Variants in CLCA1 observed in about 807,000 individuals in gnomAD.
The protein encoded by CLCA1 is calcium-activated chloride channel regulator 1.
CLCA1 carries 59 observed loss-of-function variants against 85.6 expected under a neutral mutation model. The observed-to-expected ratio is 0.69, with a 90% CI of 0.56 to 0.86. The LOEUF is 0.86. Among genes scored for constraint, CLCA1 ranks in the 40% least tolerant of loss-of-function variants. The probability of loss-of-function intolerance (pLI) is 0.00; values close to 1 mark genes in which losing one functional copy is unlikely to be tolerated. For missense variants in CLCA1, 1,022 were observed against 1,101.4 expected, an observed-to-expected ratio of 0.93 and a Z score of 1.02; for synonymous variants, 396 against 398.3, an observed-to-expected ratio of 0.99 and a Z score of 0.07.
intron 4 of CLCA1, among the ~76,000 whole-genome samples, chr1:86,477,989 G>A (rs1415764466): frequency 6.6e-6 from 1 of 152,144 alleles, no homozygotes; most frequent in Non-Finnish European, 1.5e-5. Context: ...TTCAAAAGGG[G>A]CTCAGAACAC....
At chr1:86,497,378 A>G (rs1224238487) in intron 12 of CLCA1, among the ~76,000 whole-genome samples, 1 of 152,230 alleles carries the variant, frequency 6.6e-6, no homozygotes, top group Admixed American at 6.5e-5. Context: ...TTAACAGATA[A>G]AAATTCTATA....
At chr1:86,476,163 C>T (rs1448441800) in intron 3 of CLCA1, among the ~76,000 whole-genome samples, 1 of 152,162 alleles carries the variant, frequency 6.6e-6, no homozygotes, top group Non-Finnish European at 1.5e-5. Flanking sequence ...CTTCTAATCA[C>T]ACATGCCCTC....
chr1:86,477,209 AC>A (rs1446142043), intron 4 of CLCA1, among the ~76,000 whole-genome samples: 2 of 152,134 alleles, frequency 1.3e-5, no homozygotes, highest in Non-Finnish European at 2.9e-5. Flanking sequence ...TCCCACTTCG[AC>A]CTGCCAAAGT....
In CLCA1 at chr1:86,498,565, A is replaced by G; in HGVS notation, c.2114-7A>G. The G allele has an allele frequency of 6.2e-7, 1 of 1,608,752 alleles. No homozygotes were observed. The highest frequency in any genetic ancestry group is 1.3e-5 in the African/African-American group (1 of 74,780). The stretch of plus-strand genomic sequence containing the variant: ...CTTACCATATTTTGAGTATTTTTTT[A>G]ATGCAGATGAAATACAATGGAATCC... On this transcript the variant is annotated splice_region_variant and splice_polypyrimidine_tract_variant and intron_variant, in intron 12 of 13. Coordinates refer to ENST00000394711, the MANE Select transcript of CLCA1 (RefSeq NM_001285.4).
chr1:86,482,575 C>A (rs1229859626), intron 5 of CLCA1, among the ~76,000 whole-genome samples, 193 bp downstream of exon 5: 1 of 152,186 alleles, frequency 6.6e-6, no homozygotes, highest in African/African-American at 2.4e-5. Context: ...CGTGTCCACG[C>A]TTTCTTCTCC....
chr1:86,486,537 C>T lies in CLCA1; in HGVS notation c.966C>T (p.Arg322=), dbSNP rs749005563. ...GCTTCTCCATTTAGACTGGTAACCG[C>T]CTCAATCGACTGAATCAAGCAGGCC... is the stretch of plus-strand genomic sequence containing the variant. The part of the protein sequence containing the change: ...DKSGSMATGN[R]LNRLNQAGQL... Residue 322 remains arginine, a synonymous_variant, in exon 7 of 14, where the codon CGC becomes CGT. Transcript: ENST00000394711. 1 of 1,614,074 alleles carries T rather than the reference C, an allele frequency of 6.2e-7. No individual in the cohort carries two copies. Among genetic ancestry groups the T allele is most frequent in the Non-Finnish European group, 8.5e-7 (1 of 1,180,000 alleles).
intron 13 of CLCA1, 102 bp downstream of exon 13, chr1:86,498,913 G>A (rs1570293934): frequency 1.5e-6 from 2 of 1,297,476 alleles, no homozygotes; most frequent in African/African-American, 3.0e-5. Flanking sequence ...TTAGGGGGCA[G>A]AAGGCAGGAG....
intron 6 of CLCA1, among the ~76,000 whole-genome samples, chr1:86,486,045 C>A (rs557886752): frequency 1.8e-4 from 15 of 85,332 alleles, no homozygotes; most frequent in Admixed American, 1.4e-3. Context: ...AGAGAGAGTG[C>A]GCAATGTGGG....
intron 12 of CLCA1, among the ~76,000 whole-genome samples, chr1:86,496,944 G>A (rs1008159480): frequency 1.3e-5 from 2 of 152,138 alleles, no homozygotes; most frequent in Non-Finnish European, 2.9e-5. Flanking sequence ...TGGCCAGGAT[G>A]GTCTCGATCT....
At chr1:86,473,955 G>A in intron 3 of CLCA1, 79 bp downstream of exon 3, 1 of 1,080,480 alleles carries the variant, frequency 9.3e-7, no homozygotes, top group Non-Finnish European at 1.3e-6. Flanking sequence ...CATTATCTTT[G>A]TGAGTAAGCA....
intron 8 of CLCA1, among the ~76,000 whole-genome samples, 186 bp downstream of exon 8, chr1:86,489,356 C>G (rs909140): frequency 6.6e-6 from 1 of 152,118 alleles, no homozygotes; most frequent in Non-Finnish European, 1.5e-5. Context: ...AGCTTTGTGT[C>G]TAGGACTAAG....
At chr1:86,476,704 C>T (rs774957420) in intron 4 of CLCA1, 151 bp downstream of exon 4, 5 of 522,134 alleles carry the variant, frequency 9.6e-6, no homozygotes, top group East Asian at 3.0e-5. Flanking sequence ...CACAAAACTA[C>T]CATTTTGTTT....
At chr1:86,492,159 G>C (rs766530651) in intron 9 of CLCA1, among the ~76,000 whole-genome samples, 76 of 152,166 alleles carry the variant, frequency 5.0e-4, no homozygotes, top group Non-Finnish European at 9.4e-4. Flanking sequence ...TGAAAGTTCA[G>C]ATAAAGATAA....
intron 1 of CLCA1, among the ~76,000 whole-genome samples, chr1:86,471,975 T>C (rs982412941): frequency 3.3e-5 from 5 of 151,960 alleles, no homozygotes; most frequent in Non-Finnish European, 5.9e-5. Context: ...CTCTGGTCTG[T>C]TCCCGCAAGG....
intron 12 of CLCA1, 22 bp downstream of exon 12, chr1:86,495,697 A>T (rs537687401): frequency 6.3e-7 from 1 of 1,591,132 alleles, no homozygotes; most frequent in Non-Finnish European, 8.6e-7. Flanking sequence ...GTAATAACAT[A>T]CCTGGCTTGT....
intron 3 of CLCA1, among the ~76,000 whole-genome samples, chr1:86,475,626 C>A (rs955397987): frequency 1.3e-5 from 2 of 152,044 alleles, no homozygotes; most frequent in African/African-American, 4.8e-5. Flanking sequence ...GGGCAGGCTT[C>A]TAGGCACATA....
chr1:86,490,722 T>G (rs1648112411), intron 8 of CLCA1, among the ~76,000 whole-genome samples: 1 of 152,086 alleles, frequency 6.6e-6, no homozygotes, highest in African/African-American at 2.4e-5. Flanking sequence ...TGCAGATAGT[T>G]GAAGTAGCCA....
chr1:86,487,630 T>C (rs1485880238), intron 7 of CLCA1, among the ~76,000 whole-genome samples: 1 of 152,072 alleles, frequency 6.6e-6, no homozygotes, highest in Non-Finnish European at 1.5e-5. Flanking sequence ...TGTGGCCATA[T>C]TAGTTTGGCT....
chr1:86,498,173 AGGAAGGAAGGAAGGAT>A lies in CLCA1; in HGVS notation c.2114-383_2114-368del, dbSNP rs1346707497. Among the ~76,000 whole-genome samples, 314 of 130,322 alleles carry A rather than the reference AGGAAGGAAGGAAGGAT, an allele frequency of 2.4e-3. 3 individuals carry two copies. Among genetic ancestry groups the A allele is most frequent in the African/African-American group, 6.4e-3 (215 of 33,710 alleles). The allele number at this position is 130,322 out of a possible 152,430, so 85.5% of individuals were successfully genotyped here. On this transcript the variant is annotated intron_variant, in intron 12 of 13. Coordinates refer to ENST00000394711, the MANE Select transcript of CLCA1 (RefSeq NM_001285.4). Reference sequence around the variant, plus strand: ...AACAAAGAAAGGAAGGAAGGAAGGAAGGAAGGAAGGAAGGATGGAAGGAAGGAAGGAAGGAAAAAAC... The same window carrying A: ...AACAAAGAAAGGAAGGAAGGAAGGAAGGAAGGAAGGAAGGAAGGAAAAAAC...
Sources: gnomAD v4.1 joint callset for allele counts (sites outside exome capture counted in the v4.1 genomes callset) on GRCh38, gnomAD v4.1.1 for gene constraint, MANE v1.5 for transcripts, NCBI Gene and HGNC (gene_info 2026-07-23, HGNC 2026-07-21) for gene names.